Variants in SLC23A2 observed in about 807,000 individuals in gnomAD.
SLC23A2 encodes the protein Na(+)/L-ascorbic acid transporter 2.
SLC23A2 carries 36 observed loss-of-function variants against 73.3 expected under a neutral mutation model. That is an observed-to-expected ratio of 0.49 (90% confidence interval 0.38 to 0.65). The LOEUF (loss-of-function observed/expected upper bound fraction) is 0.65, where lower values mean the gene tolerates loss of function less well. Among genes scored for constraint, SLC23A2 ranks in the 30% least tolerant of loss-of-function variants. The probability of loss-of-function intolerance (pLI) is 0.00; values close to 1 mark genes in which losing one functional copy is unlikely to be tolerated. For synonymous variants in SLC23A2, 343 were observed against 327.3 expected (o/e 1.05, Z -0.52); for missense variants, 507 against 841.6 (o/e 0.60, Z 4.92).
chr20:4,963,033 G>T (rs991440451), intron 2 of SLC23A2, among the ~76,000 whole-genome samples: 8 of 152,016 alleles, frequency 5.3e-5, no homozygotes. Context: ...GAGGAAAAAG[G>T]CTTCAAAACT....
chr20:4,987,691 A>G (rs1004026822), intron 1 of SLC23A2, among the ~76,000 whole-genome samples: 4 of 152,092 alleles, frequency 2.6e-5, no homozygotes, highest in African/African-American at 7.2e-5. Flanking sequence ...TACTAAAAAT[A>G]CAAAAAATTA....
At chr20:4,948,589 T>C (rs2087152432) in intron 2 of SLC23A2, among the ~76,000 whole-genome samples, 1 of 152,242 alleles carries the variant, frequency 6.6e-6, no homozygotes, top group African/African-American at 2.4e-5. Flanking sequence ...TATCTGGGGC[T>C]GGGACACTAA....
At chr20:4,978,886 A>G (rs2087684490) in intron 1 of SLC23A2, among the ~76,000 whole-genome samples, 1 of 152,208 alleles carries the variant, frequency 6.6e-6, no homozygotes, top group South Asian at 2.1e-4. Context: ...ATTTTTAAAC[A>G]AGAACCCTAT....
upstream of SLC23A2, among the ~76,000 whole-genome samples, chr20:5,004,625 C>T (rs2088169422): frequency 6.6e-6 from 1 of 152,130 alleles, no homozygotes; most frequent in Non-Finnish European, 1.5e-5. Context: ...GCAGGAGGAT[C>T]GCCTTTGCCA....
At chr20:4,931,953 A>G (rs1451352308) in intron 3 of SLC23A2, among the ~76,000 whole-genome samples, 1 of 152,180 alleles carries the variant, frequency 6.6e-6, no homozygotes, top group African/African-American at 2.4e-5. Context: ...CTGGGAAAAA[A>G]ATGTTCTTAC....
rs1941543771 is a variant in SLC23A2, at chr20:4,947,480, G to A, written c.-154-14764C>T. ...ACTATTTAAAATGTATTAATCATCAGTCATCACAGGAGCCACTGAAAAGCT... is the reference window on the plus strand; with the variant it reads ...ACTATTTAAAATGTATTAATCATCAATCATCACAGGAGCCACTGAAAAGCT... On this transcript the variant is annotated intron_variant, in intron 2 of 16. Coordinates refer to ENST00000338244, the MANE Select transcript of SLC23A2 (RefSeq NM_005116.6). This position sits in a 1 kb window ranked among gnomAD's most constrained non-coding sequence, Gnocchi z 4.4. Among the ~76,000 whole-genome samples the A allele has an allele frequency of 6.6e-6, 1 of 152,164 alleles. No homozygotes were observed. Among genetic ancestry groups the A allele is most frequent in the Admixed American group, 6.6e-5 (1 of 15,264 alleles).
rs1355413072 is a variant in SLC23A2 at position 4,862,508 on chromosome 20, T to A, written c.1486+270A>T. Among the ~76,000 whole-genome samples the A allele has an allele frequency of 6.6e-6, 1 of 152,202 alleles. No homozygotes were observed. The highest frequency in any genetic ancestry group is 1.5e-5 in the Non-Finnish European group (1 of 68,024). ...GTTTTAAGTAGCCCATTCAGAGGGA[T>A]GGTATTTGAGTTAAATTGGTCAGAA... On this transcript the variant is annotated intron_variant, in intron 14 of 16. Coordinates refer to ENST00000338244, the MANE Select transcript of SLC23A2 (RefSeq NM_005116.6). The surrounding 1 kb of genome is among the most constrained non-coding windows in gnomAD (Gnocchi z 5.1).
rs546660850 is a variant in SLC23A2, at chr20:4,949,782, T to G, written c.-154-17066A>C. 1.2e-4 allele frequency among the ~76,000 whole-genome samples: 18 copies of G among 152,124 alleles called. No homozygotes were observed. The East Asian group carries it at 1.5e-3, about 13-fold the overall frequency. On this transcript the variant is annotated intron_variant, in intron 2 of 16. Coordinates refer to ENST00000338244, the MANE Select transcript of SLC23A2 (RefSeq NM_005116.6). ...CCAAATGCACACAGACACAAACAGA[T>G]AGTAATCAATCTGTATATCCTCACA...
chr20:4,918,417 T>C (rs1488898585), intron 3 of SLC23A2, among the ~76,000 whole-genome samples: 3 of 152,244 alleles, frequency 2.0e-5, no homozygotes, highest in Non-Finnish European at 4.4e-5. Flanking sequence ...GTCTCCAATA[T>C]GCAATTGCAT....
intron 4 of SLC23A2, among the ~76,000 whole-genome samples, chr20:4,904,655 G>A (rs1391046835): frequency 6.6e-6 from 1 of 152,210 alleles, no homozygotes; most frequent in Non-Finnish European, 1.5e-5. Context: ...CAGCCACACA[G>A]GTGGTGCTGC....
At chr20:4,970,300 T>C (rs1222546633) in intron 2 of SLC23A2, among the ~76,000 whole-genome samples, 1 of 152,224 alleles carries the variant, frequency 6.6e-6, no homozygotes, top group African/African-American at 2.4e-5. Context: ...TCTATTACCT[T>C]ATCATTAGCA....
intron 2 of SLC23A2, among the ~76,000 whole-genome samples, chr20:4,959,718 C>T (rs538115480): frequency 7.9e-5 from 12 of 152,130 alleles, no homozygotes; most frequent in Middle Eastern, 3.4e-3. Context: ...GGCTCTTGCC[C>T]GGGCTCAAGC....
chr20:4,874,719 C>G, intron 9 of SLC23A2, 23 bp from the exon 10 acceptor site: 3 of 1,563,866 alleles, frequency 1.9e-6, no homozygotes, highest in Non-Finnish European at 2.6e-6. Context: ...AGAAAACAAA[C>G]TAGGTCAAAA....
At chr20:4,949,219 C>T (rs951139631) in intron 2 of SLC23A2, among the ~76,000 whole-genome samples, 2 of 144,646 alleles carry the variant, frequency 1.4e-5, no homozygotes, top group African/African-American at 5.2e-5. Flanking sequence ...ACCTGGGAGG[C>T]GGAGATTGCA....
chr20:4,953,813 C>T (rs1472226633), intron 2 of SLC23A2, among the ~76,000 whole-genome samples: 2 of 152,084 alleles, frequency 1.3e-5, no homozygotes, highest in Non-Finnish European at 2.9e-5. Flanking sequence ...CACTTAAACG[C>T]AGGAGGCGGA....
chr20:4,885,632 G>A (rs967102524), intron 7 of SLC23A2, among the ~76,000 whole-genome samples, 189 bp downstream of exon 7: 1 of 152,204 alleles, frequency 6.6e-6, no homozygotes, highest in Non-Finnish European at 1.5e-5. Flanking sequence ...GGTTAGGGAT[G>A]AACAAGTGGA....
intron 7 of SLC23A2, among the ~76,000 whole-genome samples, chr20:4,885,290 T>C (rs1302127425): frequency 1.3e-5 from 2 of 152,232 alleles, no homozygotes; most frequent in Non-Finnish European, 2.9e-5. Flanking sequence ...CAAAATGTAA[T>C]TGTATTTTTG....
chr20:4,895,363 A>G (rs1776962), intron 6 of SLC23A2, among the ~76,000 whole-genome samples: 23,692 of 152,074 alleles, frequency 0.16, 2,547 homozygotes, highest in African/African-American at 0.31. Context: ...CAGTCTCTCT[A>G]CCCCAACTGC....
At position 4,863,964 on chromosome 20, in the gene SLC23A2, A is replaced by G. The variant is rs949057265; in HGVS notation, c.1357-1057T>C. On this transcript the variant is annotated intron_variant, in intron 13 of 16. Coordinates refer to ENST00000338244, the MANE Select transcript of SLC23A2 (RefSeq NM_005116.6). This position sits in a 1 kb window ranked among gnomAD's most constrained non-coding sequence, Gnocchi z 4.8. ...CTGCTGTCACCAGTCATGGGTTGGG[A>G]TGGCCCTCTGTGTCTCAACGCAAAG... 4.6e-5 allele frequency among the ~76,000 whole-genome samples: 7 copies of G among 152,126 alleles called. No homozygotes were observed. Among genetic ancestry groups the G allele is most frequent in the Non-Finnish European group, 1.0e-4 (7 of 68,020 alleles).
Sources: gnomAD v4.1 joint callset for allele counts (sites outside exome capture counted in the v4.1 genomes callset) on GRCh38, gnomAD v4.1.1 for gene constraint, Gnocchi (gnomAD v3.1) non-coding constraint, MANE v1.5 for transcripts, NCBI Gene and HGNC (gene_info 2026-07-23, HGNC 2026-07-21) for gene names.